The following CERCAM variants were observed in gnomAD, a reference collection of about 807,000 sequenced individuals.
CERCAM encodes cerebral endothelial cell adhesion molecule.
A neutral mutation model predicts 66.0 loss-of-function variants in CERCAM; 59 were observed. The ratio of observed to expected loss-of-function variants is 0.89; its 90% CI spans 0.73 to 1.11. The LOEUF is 1.11. Ranked by LOEUF, CERCAM falls within the 50% of genes most tolerant of loss-of-function variation. CERCAM has a pLI of 0.00. For synonymous variants in CERCAM, 318 were observed against 343.6 expected (o/e 0.93, Z 0.83); for missense variants, 840 against 828.3 (o/e 1.01, Z -0.17).
intron 3 of CERCAM, 121 bp from the exon 4 acceptor site, chr9:128,424,017 G>A (rs889639435): frequency 8.8e-7 from 1 of 1,134,384 alleles, no homozygotes; most frequent in Non-Finnish European, 1.3e-6. Flanking sequence ...TGAGACCTCT[G>A]TAAGAGCATT....
chr9:128,431,209 ACCTGCT>A lies in CERCAM; in HGVS notation c.1112_1117del (p.Leu371_Leu372del). ...AGTGCCATCAGGAACCTCGGCGTAG[ACCTGCT>A]CCCGGGCTACCAGGACCCTTACTCG... On this transcript the variant is annotated inframe_deletion, in exon 9 of 13. Coordinates refer to ENST00000372838, the MANE Select transcript of CERCAM (RefSeq NM_016174.5). 1 of 1,613,994 alleles carries A rather than the reference ACCTGCT, an allele frequency of 6.2e-7. No homozygotes were observed. The highest frequency in any genetic ancestry group is 8.5e-7 in the Non-Finnish European group (1 of 1,179,994).
chr9:128,435,290 C>G (rs1215555477), intron 11 of CERCAM, among the ~76,000 whole-genome samples: 1 of 152,180 alleles, frequency 6.6e-6, no homozygotes, highest in Non-Finnish European at 1.5e-5. Flanking sequence ...AGCCACTGTA[C>G]CCAGCCTCAA....
At position 128,424,171 on chromosome 9, in the gene CERCAM, C is replaced by A. The variant is rs1187879372; in HGVS notation, c.460C>A (p.Gln154Lys). Residue 154 changes from glutamine (Q) to lysine (K), a missense_variant, in exon 4 of 13, where the codon CAG (glutamine) becomes AAG (lysine). Transcript: ENST00000372838. ...ADTDNILTNN[Q>K]TLRLLMGQGL... ...CACAGACAACATTCTGACCAACAAT[C>A]AGACTCTGCGGCTTCTCATGGGGCA... 6.2e-7 allele frequency: 1 copy of A among 1,614,218 alleles called. No individual in the cohort carries two copies. Among genetic ancestry groups the A allele is most frequent in the Non-Finnish European group, 8.5e-7 (1 of 1,180,040 alleles).
Position 128,435,843 on chromosome 9 carries a change from C to T in CERCAM, c.1726C>T (p.Arg576Cys), listed in dbSNP as rs558299696. The T allele has an allele frequency of 2.4e-5, 39 of 1,610,310 alleles. No individual in the cohort carries two copies. The highest frequency in any genetic ancestry group is 1.5e-4 in the African/African-American group (11 of 75,004). The change falls in exon 12 of 13, where the codon CGC becomes TGC. Residue 576 changes from arginine to cysteine, a missense_variant. By Grantham distance (180) the Arg-to-Cys change is radical (BLOSUM62 -3). Transcript: ENST00000372838. ...SGSQKTLRSP[R>C]LDLTGSSGHS... ...CTCCCAAAAGACCCTGCGCAGCCCC[C>T]GCCTGGACCTGACTGGCAGCAGCGG...
chr9:128,436,272 G>T (rs186802896), intron 12 of CERCAM, among the ~76,000 whole-genome samples: 14 of 152,016 alleles, frequency 9.2e-5, no homozygotes, highest in African/African-American at 2.9e-4. Flanking sequence ...ATGGAGTCTT[G>T]CTCTTTTGCC....
chr9:128,425,815 CTTTTTTT>C (rs75397129), intron 5 of CERCAM, among the ~76,000 whole-genome samples: 1 of 107,438 alleles, frequency 9.3e-6, no homozygotes, highest in Non-Finnish European at 1.8e-5. Flanking sequence ...CCAGCCCAGC[CTTTTTTT>C]TTTTTTTTTT....
At chr9:128,432,532 C>T (rs1159664338) in intron 9 of CERCAM, among the ~76,000 whole-genome samples, 1 of 151,304 alleles carries the variant, frequency 6.6e-6, no homozygotes, top group African/African-American at 2.4e-5. Flanking sequence ...ACTACAGGCG[C>T]GCACCACCAC....
chr9:128,422,365 C>G (rs1241281632), intron 1 of CERCAM: 1 of 154,004 alleles, frequency 6.5e-6, no homozygotes, highest in Non-Finnish European at 1.4e-5. Context: ...GTGAGGAGTT[C>G]AAGACCAGCC....
At chr9:128,436,350 C>A (rs373538941) in intron 12 of CERCAM, among the ~76,000 whole-genome samples, 3 of 152,148 alleles carry the variant, frequency 2.0e-5, no homozygotes, top group Non-Finnish European at 4.4e-5. Context: ...CGGATTCAAG[C>A]GATTCTCCTG....
At chr9:128,422,547 G>A (rs184395834) in intron 1 of CERCAM, 15 of 251,432 alleles carry the variant, frequency 6.0e-5, no homozygotes, top group South Asian at 2.1e-4. Flanking sequence ...CAGCCTGGGC[G>A]ACAGAGCAAG....
chr9:128,422,566 T>TA, intron 1 of CERCAM: 2 of 294,196 alleles, frequency 6.8e-6, no homozygotes, highest in Non-Finnish European at 1.3e-5. Flanking sequence ...AGATTCCATC[T>TA]CAAAAAAAAT....
At chr9:128,425,700 G>A (rs781634442) in intron 5 of CERCAM, among the ~76,000 whole-genome samples, 7 of 151,494 alleles carry the variant, frequency 4.6e-5, no homozygotes, top group African/African-American at 4.9e-5. Flanking sequence ...TAGTAGAGAC[G>A]GGGTTTCTCC....
intron 1 of CERCAM, chr9:128,421,443 A>C: frequency 9.8e-7 from 1 of 1,022,670 alleles, no homozygotes; most frequent in Non-Finnish European, 1.2e-6. Context: ...AGGAGCAGAC[A>C]GGAACCTCTG....
In CERCAM at chr9:128,424,423, G is replaced by T; in HGVS notation, c.575G>T (p.Arg192Leu). 1 of 1,613,910 alleles carries T rather than the reference G, an allele frequency of 6.2e-7. No homozygotes were observed. Among genetic ancestry groups the T allele is most frequent in the East Asian group, 2.2e-5 (1 of 44,880 alleles). Reference sequence around the variant, plus strand: ...CCTTTTCCCCAGGGCTACTACCGCCGCACAGCCGAGTACTTCCCCACCAAG... The same window carrying T: ...CCTTTTCCCCAGGGCTACTACCGCCTCACAGCCGAGTACTTCCCCACCAAG... ...CGITPQGYYR[R>L]TAEYFPTKNR... The change falls in exon 5 of 13, where the codon CGC (arginine) becomes CTC (leucine). Residue 192 changes from arginine to leucine, a missense_variant. Coordinates refer to ENST00000372838, the MANE Select transcript of CERCAM (RefSeq NM_016174.5).
At chr9:128,435,966 T>A in intron 12 of CERCAM, 61 bp downstream of exon 12, 1 of 1,493,982 alleles carries the variant, frequency 6.7e-7, no homozygotes, top group African/African-American at 1.4e-5. Context: ...TCCCCTTTGA[T>A]GGCATAACTG....
chr9:128,428,963 C>G lies in CERCAM; in HGVS notation c.997C>G (p.Arg333Gly). The G allele has an allele frequency of 1.2e-6, 2 of 1,611,116 alleles. No individual in the cohort carries two copies. The highest frequency in any genetic ancestry group is 1.1e-5 in the South Asian group (1 of 90,766). Residue 333 changes from arginine (R) to glycine (G), a missense_variant, in exon 8 of 13, where the codon CGT (arginine) becomes GGT (glycine). Physicochemically the swap from Arg to Gly is moderately radical, Grantham distance 125. Transcript: ENST00000372838. ...FVISLARRPD[R>G]RERMLASLWE... Reference sequence around the variant, plus strand: ...CATCAGCCTGGCTCGCAGGCCTGACCGTCGGGAACGCATGCTCGCCTCGCT... The same window carrying G: ...CATCAGCCTGGCTCGCAGGCCTGACGGTCGGGAACGCATGCTCGCCTCGCT...
chr9:128,425,815 CTTTTTT>C (rs75397129), intron 5 of CERCAM, among the ~76,000 whole-genome samples: 1 of 107,438 alleles, frequency 9.3e-6, no homozygotes, highest in African/African-American at 4.1e-5. Context: ...CCAGCCCAGC[CTTTTTT>C]TTTTTTTTTT....
chr9:128,421,328 T>C (rs1048899132), intron 1 of CERCAM: 1 of 1,208,512 alleles, frequency 8.3e-7, no homozygotes, highest in Non-Finnish European at 1.0e-6. Flanking sequence ...CTCCTTCCTC[T>C]TGGGGCCTTC....
intron 6 of CERCAM, 84 bp from the exon 7 acceptor site, chr9:128,428,673 A>G: frequency 6.8e-7 from 1 of 1,463,900 alleles, no homozygotes; most frequent in Admixed American, 1.7e-5. Flanking sequence ...AGGGGGCAGG[A>G]ATGAGGCTGG....
Sources: gnomAD v4.1 joint callset for allele counts (sites outside exome capture counted in the v4.1 genomes callset) on GRCh38, gnomAD v4.1.1 for gene constraint, MANE v1.5 for transcripts, NCBI Gene and HGNC (gene_info 2026-07-23, HGNC 2026-07-21) for gene names.